The following COL25A1 variants were observed in gnomAD, a reference collection of about 807,000 sequenced individuals.
The protein encoded by COL25A1 is collagen alpha-1(XXV) chain.
COL25A1 carries 103 observed loss-of-function variants against 128.4 expected under a neutral mutation model. That is an observed-to-expected ratio of 0.80 (90% CI 0.68 to 0.94). The LOEUF is 0.94. Ranked by LOEUF, COL25A1 falls within the 40% of genes least tolerant of loss-of-function variation. The pLI is 0.00. For synonymous variants in COL25A1, 279 were observed against 277.2 expected (o/e 1.01, Z -0.06); for missense variants, 745 against 840.0 (o/e 0.89, Z 1.40).
intron 3 of COL25A1, among the ~76,000 whole-genome samples, chr4:109,189,151 G>T (rs1775378703): frequency 6.6e-6 from 1 of 151,752 alleles, no homozygotes; most frequent in Non-Finnish European, 1.5e-5. Flanking sequence ...AAATCATACT[G>T]GGTACCTTTG....
rs1490438873 is a variant in COL25A1 at position 108,810,727 on chromosome 4, T to A, written c.*3200A>T. On this transcript the variant is annotated 3_prime_UTR_variant, in exon 38 of 38. Transcript: ENST00000399132. ...GAAATAGGAGGATCCATGATCCGAG[T>A]AAACACACATCATCTATTGGTACAC... 1 of 151,968 alleles carries A rather than the reference T, an allele frequency of 6.6e-6. No homozygotes were observed. Among genetic ancestry groups the A allele is most frequent in the Non-Finnish European group, 1.5e-5 (1 of 67,858 alleles). The allele number at this position is 151,968 out of a possible 1,614,324, so 9.4% of individuals were successfully genotyped here. A position where few individuals can be genotyped will look rare whatever the true frequency, so the allele number is the denominator to read the frequency against.
rs749912070 is a variant in COL25A1, at chr4:108,824,219, A to G, written c.1800T>C (p.Pro600=). ...KDGEPGLDGF[P]GPRGEKGDLG... Reference sequence around the variant, plus strand: ...GATCACCCTTCTCACCCCGTGGACCAGGGAAGCCCTGTAAGATAAAAAGCA... The same window carrying G: ...GATCACCCTTCTCACCCCGTGGACCGGGGAAGCCCTGTAAGATAAAAAGCA... The change falls in exon 35 of 38, where the codon CCT becomes CCC. Residue 600 remains proline, a synonymous_variant. Coordinates refer to ENST00000399132, the MANE Select transcript of COL25A1 (RefSeq NM_198721.4). 2 of 1,611,698 alleles carry G rather than the reference A, an allele frequency of 1.2e-6. No individual in the cohort carries two copies. Among genetic ancestry groups the G allele is most frequent in the Non-Finnish European group, 1.7e-6 (2 of 1,178,978 alleles).
intron 31 of COL25A1, among the ~76,000 whole-genome samples, 176 bp downstream of exon 31, chr4:108,841,519 A>C (rs1734461050): frequency 6.6e-6 from 1 of 152,224 alleles, no homozygotes; most frequent in Admixed American, 6.5e-5. Flanking sequence ...GATATCATTT[A>C]AATTTGTTAT....
At position 108,863,520 on chromosome 4, in the gene COL25A1, A is replaced by G. The variant is rs1578581782; in HGVS notation, c.1084-133T>C. 7 of 630,130 alleles carry G rather than the reference A, an allele frequency of 1.1e-5. No homozygotes were observed. In the East Asian group the frequency reaches 1.9e-4, roughly 17 times the overall value. The allele number at this position is 630,130 out of a possible 1,614,324, so 39.0% of individuals were successfully genotyped here. A position where few individuals can be genotyped will look rare whatever the true frequency, so the allele number is the denominator to read the frequency against. ...TGATTTACCCTGTACCCAGCACTTT[A>G]TTAATCTCTTAACATGAATTATCTC... On this transcript the variant is annotated intron_variant, in intron 20 of 37. Transcript: ENST00000399132.
chr4:109,019,608 C>T (rs901280473), intron 5 of COL25A1, among the ~76,000 whole-genome samples: 1 of 151,828 alleles, frequency 6.6e-6, no homozygotes, highest in African/African-American at 2.4e-5. Flanking sequence ...CCTTATAAAA[C>T]CATTGGGTCT....
chr4:109,111,859 G>A (rs1767055097), intron 3 of COL25A1, among the ~76,000 whole-genome samples: 1 of 152,142 alleles, frequency 6.6e-6, no homozygotes, highest in South Asian at 2.1e-4. Context: ...CAGGAATATA[G>A]TAGATGCTTA....
At position 109,090,225 on chromosome 4, in the gene COL25A1, G is replaced by A. The variant is rs1285596404; in HGVS notation, c.368-40046C>T. 5.3e-5 allele frequency among the ~76,000 whole-genome samples: 8 copies of A among 152,052 alleles called. No homozygotes were observed. The East Asian group carries it at 5.8e-4, about 11-fold the overall frequency. ...TACATTTGACCTATAAAAACCACAC[G>A]GAACTGATAGTTTTACATAATTCCT... On this transcript the variant is annotated intron_variant, in intron 3 of 37. Transcript: ENST00000399132.
chr4:109,033,959 CTTAAA>C lies in COL25A1; in HGVS notation c.420+14204_420+14208del, dbSNP rs746580179. On this transcript the variant is annotated intron_variant, in intron 5 of 37. Coordinates refer to ENST00000399132, the MANE Select transcript of COL25A1 (RefSeq NM_198721.4). ...AAACTTCCTCTCAATTGTATTGACA[CTTAAA>C]TTAAAGCAAAACATAAGCAATTAAA... 9.9e-4 allele frequency among the ~76,000 whole-genome samples: 151 copies of C among 152,142 alleles called. 1 individual carries two copies. Among genetic ancestry groups the C allele is most frequent in the Middle Eastern group, 3.4e-3 (1 of 294 alleles).
At chr4:109,255,667 CT>C (rs1448466657) in intron 3 of COL25A1, among the ~76,000 whole-genome samples, 1 of 152,162 alleles carries the variant, frequency 6.6e-6, no homozygotes, top group Non-Finnish European at 1.5e-5. Flanking sequence ...TAGTTTTCCC[CT>C]AAGCCAGAAG....
At chr4:108,863,266 C>A in intron 21 of COL25A1, 53 bp downstream of exon 21, 1 of 1,560,332 alleles carries the variant, frequency 6.4e-7, no homozygotes, top group South Asian at 1.1e-5. Context: ...TTTTTGTGTT[C>A]TAAATCAAAT....
chr4:108,935,325 G>A (rs764714209), intron 11 of COL25A1, among the ~76,000 whole-genome samples: 1 of 152,140 alleles, frequency 6.6e-6, no homozygotes, highest in African/African-American at 2.4e-5. Context: ...ATGGCAACTG[G>A]GGGTAAAGAA....
At chr4:109,022,261 G>A (rs1172716745) in intron 5 of COL25A1, 4 of 432,352 alleles carry the variant, frequency 9.3e-6, no homozygotes, top group Admixed American at 2.6e-5. Context: ...GACACTTAGG[G>A]AAAATAGAAA....
chr4:109,198,294 T>TCACACACACACACACA lies in COL25A1; in HGVS notation c.367+102273_367+102288dup, dbSNP rs112993547. On this transcript the variant is annotated intron_variant, in intron 3 of 37. Coordinates refer to ENST00000399132, the MANE Select transcript of COL25A1 (RefSeq NM_198721.4). ...ACCACATCAGACTCTGCATATTCAT[T>TCACACACACACACACA]CACACACACACACACACACACACAC... 3.6e-3 allele frequency among the ~76,000 whole-genome samples: 518 copies of TCACACACACACACACA among 144,032 alleles called. 3 individuals carry two copies. Among genetic ancestry groups the TCACACACACACACACA allele is most frequent in the African/African-American group, 0.012 (465 of 38,894 alleles). 94.5% of individuals were successfully genotyped at this position (144,032 alleles called of 152,430 possible). A position where few individuals can be genotyped will look rare whatever the true frequency, so the allele number is the denominator to read the frequency against.
chr4:108,952,450 G>A (rs1039772678), intron 8 of COL25A1, among the ~76,000 whole-genome samples: 2 of 152,206 alleles, frequency 1.3e-5, no homozygotes, highest in Admixed American at 6.5e-5. Context: ...AACAAAAATG[G>A]TGTAAAAGTG....
rs956838611 is a variant in COL25A1, at chr4:108,983,681, T to C, written c.439-9122A>G. On this transcript the variant is annotated intron_variant, in intron 6 of 37. Coordinates refer to ENST00000399132, the MANE Select transcript of COL25A1 (RefSeq NM_198721.4). ...GAGTTTCTTCCTTCTGGTGGGTTCA[T>C]GGTCTCGCTGGCTCAGGAGTGAAGC... Among the ~76,000 whole-genome samples the C allele has an allele frequency of 3.3e-5, 5 of 152,120 alleles. No homozygotes were observed. In the East Asian group the frequency reaches 9.6e-4, roughly 29 times the overall value.
At chr4:109,295,360 C>G (rs938877609) in intron 3 of COL25A1, among the ~76,000 whole-genome samples, 2 of 152,050 alleles carry the variant, frequency 1.3e-5, no homozygotes, top group African/African-American at 4.8e-5. Context: ...AACAATTTAA[C>G]ATGGATGCTT....
At chr4:109,301,359 A>G (rs1476017512) in intron 2 of COL25A1, among the ~76,000 whole-genome samples, 1 of 152,154 alleles carries the variant, frequency 6.6e-6, no homozygotes, top group African/African-American at 2.4e-5. Flanking sequence ...ATCTTACAAC[A>G]TGTAAAAGAT....
At position 108,812,025 on chromosome 4, in the gene COL25A1, A is replaced by T. The variant is rs1730836468; in HGVS notation, c.*1902T>A. The T allele has an allele frequency of 6.6e-6, 1 of 152,126 alleles. No homozygotes were observed. The highest frequency in any genetic ancestry group is 2.1e-4 in the South Asian group (1 of 4,826). The allele number at this position is 152,126 out of a possible 1,614,324, so 9.4% of individuals were successfully genotyped here. A position where few individuals can be genotyped will look rare whatever the true frequency, so the allele number is the denominator to read the frequency against. ...TCCCAGAAGATGGCATTGAGTCAGG[A>T]GAGAAATTAAATTCTCTAATGGGCT... On this transcript the variant is annotated 3_prime_UTR_variant, in exon 38 of 38. Coordinates refer to ENST00000399132, the MANE Select transcript of COL25A1 (RefSeq NM_198721.4).
intron 3 of COL25A1, among the ~76,000 whole-genome samples, chr4:109,210,739 C>T (rs112515951): frequency 1.4e-4 from 21 of 152,230 alleles, no homozygotes; most frequent in Middle Eastern, 3.4e-3. Context: ...GCCAACATCA[C>T]TCCATGTTCC....
Sources: gnomAD v4.1 joint callset for allele counts (sites outside exome capture counted in the v4.1 genomes callset) on GRCh38, gnomAD v4.1.1 for gene constraint, MANE v1.5 for transcripts, NCBI Gene and HGNC (gene_info 2026-07-23, HGNC 2026-07-21) for gene names.